IMMP2L: variants seen among roughly 807,000 people sequenced by gnomAD.
The protein encoded by IMMP2L is mitochondrial inner membrane protease subunit 2.
Under a neutral mutation model 19.3 loss-of-function variants are expected in IMMP2L, and 18 were observed. The ratio of observed to expected loss-of-function variants is 0.93; its 90% confidence interval spans 0.64 to 1.38. The LOEUF (loss-of-function observed/expected upper bound fraction) is 1.38. Ranked by LOEUF, IMMP2L falls within the 40% of genes most tolerant of loss-of-function variation. IMMP2L has a pLI of 0.00. For missense variants in IMMP2L, 233 were observed against 218.2 expected, an observed-to-expected ratio of 1.07 and a Z score of -0.43; for synonymous variants, 76 against 73.0, an observed-to-expected ratio of 1.04 and a Z score of -0.21.
intron 3 of IMMP2L, among the ~76,000 whole-genome samples, chr7:111,219,668 C>T (rs746776141): frequency 2.6e-4 from 40 of 151,928 alleles, no homozygotes; most frequent in Non-Finnish European, 2.7e-4. Context: ...TTTGCCTTAG[C>T]TGTCAGTATT....
intron 3 of IMMP2L, among the ~76,000 whole-genome samples, chr7:111,162,891 C>G (rs918368779): frequency 6.6e-6 from 1 of 152,040 alleles, no homozygotes; most frequent in Non-Finnish European, 1.5e-5. Context: ...TAGTTTCTAA[C>G]TGCTCAAGGC....
rs148822658 is a variant in IMMP2L at position 110,845,752 on chromosome 7, C to T, written c.408+40841G>A. ...GCTATGGTCTAAGTGTTTGTGTTCCCCCAAAATTCATATGATGAAGCTTAA... is the reference window on the plus strand; with the variant it reads ...GCTATGGTCTAAGTGTTTGTGTTCCTCCAAAATTCATATGATGAAGCTTAA... On this transcript the variant is annotated intron_variant, in intron 5 of 5. Coordinates refer to ENST00000405709, the MANE Select transcript of IMMP2L (RefSeq NM_032549.4). 3.2e-3 allele frequency among the ~76,000 whole-genome samples: 488 copies of T among 152,128 alleles called. 2 individuals are homozygous for T. Among genetic ancestry groups the T allele is most frequent in the African/African-American group, 0.011 (460 of 41,500 alleles).
Position 111,536,998 on chromosome 7 carries a change from C to CA in IMMP2L, c.-2-15550dup, listed in dbSNP as rs879310514. 1.0e-3 allele frequency among the ~76,000 whole-genome samples: 145 copies of CA among 144,708 alleles called. 1 individual carries two copies. Among genetic ancestry groups the CA allele is most frequent in the African/African-American group, 3.1e-3 (122 of 39,662 alleles). 94.9% of individuals were successfully genotyped at this position (144,708 alleles called of 152,430 possible). Reference sequence around the variant, plus strand: ...GTCAGGAAAAGCAGAGAAATCTTACCAAAAAAAAAAATTGAATCAACATCT... The same window carrying CA: ...GTCAGGAAAAGCAGAGAAATCTTACCAAAAAAAAAAAATTGAATCAACATCT... On this transcript the variant is annotated intron_variant, in intron 1 of 5. Coordinates refer to ENST00000405709, the MANE Select transcript of IMMP2L (RefSeq NM_032549.4).
chr7:111,291,010 G>A (rs983159807), intron 3 of IMMP2L, among the ~76,000 whole-genome samples: 2 of 151,986 alleles, frequency 1.3e-5, no homozygotes, highest in African/African-American at 4.8e-5. Flanking sequence ...AAAGAAGGAA[G>A]TGTGTTCAAA....
In IMMP2L at chr7:110,947,475, G is replaced by C. The variant is rs532930730; in HGVS notation, c.305+16025C>G. Among the ~76,000 whole-genome samples, 4 of 152,036 alleles carry C rather than the reference G, an allele frequency of 2.6e-5. 1 individual carries two copies. In the South Asian group the frequency reaches 8.3e-4, roughly 32 times the overall value. On this transcript the variant is annotated intron_variant, in intron 4 of 5. Coordinates refer to ENST00000405709, the MANE Select transcript of IMMP2L (RefSeq NM_032549.4). ...TTCATTTACATAATCCTCAAAAGAC[G>C]GCCCCAGAAATCCATTAAAGGTCAC...
chr7:110,814,714 T>TATATAC (rs1200814183), intron 5 of IMMP2L, among the ~76,000 whole-genome samples: 4 of 148,820 alleles, frequency 2.7e-5, no homozygotes, highest in Non-Finnish European at 5.9e-5. Context: ...TATATATATA[T>TATATAC]ATATGTATAT....
chr7:110,896,478 AT>A lies in IMMP2L; in HGVS notation c.306-9784del, dbSNP rs1193656667. Among the ~76,000 whole-genome samples, 7 of 27,448 alleles carry A rather than the reference AT, an allele frequency of 2.6e-4. 2 individuals carry two copies. The highest frequency in any genetic ancestry group is 1.8e-3 in the African/African-American group (3 of 1,638). 18.0% of individuals were successfully genotyped at this position (27,448 alleles called of 152,430 possible). Reference sequence around the variant, plus strand: ...AGTATAATTTTATTTTTCAAAAAAAATATTTATCCATTTTCAATTGGATTGT... The same window carrying A: ...AGTATAATTTTATTTTTCAAAAAAAAATTTATCCATTTTCAATTGGATTGT... On this transcript the variant is annotated intron_variant, in intron 4 of 5. Transcript: ENST00000405709.
intron 4 of IMMP2L, among the ~76,000 whole-genome samples, chr7:110,905,658 A>C (rs551976062): frequency 5.9e-5 from 9 of 152,326 alleles, no homozygotes; most frequent in African/African-American, 2.2e-4. Context: ...AGTACATCGT[A>C]GGTTAATATT....
At chr7:111,549,746 C>T (rs1340607016) in intron 1 of IMMP2L, among the ~76,000 whole-genome samples, 2 of 152,014 alleles carry the variant, frequency 1.3e-5, no homozygotes, top group African/African-American at 4.8e-5. Context: ...TCAAGACCAG[C>T]CTGGCCAATA....
intron 3 of IMMP2L, among the ~76,000 whole-genome samples, chr7:111,159,715 A>G (rs1805043185): frequency 2.0e-5 from 3 of 152,132 alleles, no homozygotes; most frequent in African/African-American, 7.2e-5. Flanking sequence ...CAACAGAAAC[A>G]TCAGGTGAGT....
At chr7:110,715,058 T>C (rs183243034) in intron 5 of IMMP2L, among the ~76,000 whole-genome samples, 1 of 152,304 alleles carries the variant, frequency 6.6e-6, no homozygotes, top group East Asian at 1.9e-4. Context: ...TGTGTGCATA[T>C]AGGTGTTCAT....
At chr7:110,773,609 A>G (rs910886001) in intron 5 of IMMP2L, among the ~76,000 whole-genome samples, 3 of 152,146 alleles carry the variant, frequency 2.0e-5, no homozygotes, top group Admixed American at 1.3e-4. Flanking sequence ...CCAAAGAGTT[A>G]TAAACACAAA....
chr7:111,450,690 A>G (rs1257917012), intron 3 of IMMP2L, among the ~76,000 whole-genome samples: 1 of 150,998 alleles, frequency 6.6e-6, no homozygotes, highest in African/African-American at 2.4e-5. Context: ...AATGGCAACC[A>G]AAGCCAAAAT....
intron 3 of IMMP2L, among the ~76,000 whole-genome samples, chr7:111,145,723 G>A (rs888841459): frequency 5.3e-5 from 8 of 151,978 alleles, no homozygotes; most frequent in African/African-American, 1.9e-4. Context: ...GTAATACTAA[G>A]GGACTATTAG....
intron 4 of IMMP2L, among the ~76,000 whole-genome samples, chr7:110,903,911 C>T (rs1054378773): frequency 3.9e-5 from 6 of 152,028 alleles, no homozygotes; most frequent in Admixed American, 1.3e-4. Context: ...TTATAATAGT[C>T]ATCCTCACAA....
At chr7:111,462,313 T>C (rs961061083) in intron 3 of IMMP2L, among the ~76,000 whole-genome samples, 2 of 152,174 alleles carry the variant, frequency 1.3e-5, no homozygotes, top group Non-Finnish European at 2.9e-5. Context: ...AATAAGATTA[T>C]TTTTCTTCTA....
intron 4 of IMMP2L, among the ~76,000 whole-genome samples, chr7:110,903,028 A>G (rs1250650134): frequency 6.6e-6 from 1 of 152,032 alleles, no homozygotes; most frequent in Admixed American, 6.6e-5. Flanking sequence ...ACAAGATTAT[A>G]CTTAATTATC....
intron 4 of IMMP2L, among the ~76,000 whole-genome samples, chr7:110,939,593 C>A (rs559540585): frequency 6.6e-6 from 1 of 152,118 alleles, no homozygotes; most frequent in Non-Finnish European, 1.5e-5. Flanking sequence ...GAACCTTCAT[C>A]CCTAGGAAGG....
intron 3 of IMMP2L, among the ~76,000 whole-genome samples, chr7:111,387,975 T>TAAA (rs750267136): frequency 2.5e-4 from 23 of 93,402 alleles, no homozygotes; most frequent in African/African-American, 7.8e-4. Flanking sequence ...ACTCTGTCTT[T>TAAA]AAAAAAAAAA....
Sources: allele counts gnomAD v4.1 joint callset (sites outside exome capture counted in the v4.1 genomes callset), GRCh38; gene constraint gnomAD v4.1.1; transcripts MANE v1.5; gene names NCBI Gene and HGNC (gene_info 2026-07-23, HGNC 2026-07-21).